DMD: variants seen among roughly 807,000 people sequenced by gnomAD.
DMD encodes the protein dystrophin.
DMD carries 63 observed loss-of-function variants against 330.1 expected under a neutral mutation model. The ratio of observed to expected loss-of-function variants is 0.19; its 90% confidence interval spans 0.16 to 0.24. DMD has a LOEUF of 0.24. Among genes scored for constraint, DMD ranks in the 10% least tolerant of loss-of-function variants. DMD has a pLI of 1.00. For missense variants in DMD, 3,344 were observed against 2,684.1 expected, an observed-to-expected ratio of 1.25 and a Z score of -5.43; for synonymous variants, 1,223 against 959.8, an observed-to-expected ratio of 1.27 and a Z score of -5.07.
chrX:31,136,851 C>G (rs774277099), intron 76 of DMD, among the ~76,000 whole-genome samples: 307 of 111,937 alleles, frequency 2.7e-3, no homozygotes, highest in African/African-American at 9.4e-3. Context: ...GGCTTCTTTG[C>G]TTTAATGGAA....
intron 41 of DMD, among the ~76,000 whole-genome samples, chrX:32,333,801 G>A (rs1245310680): frequency 9.0e-6 from 1 of 110,940 alleles, no homozygotes; most frequent in Non-Finnish European, 1.9e-5. Flanking sequence ...GTTGTTGAAG[G>A]TCACATATTT....
intron 1 of DMD, among the ~76,000 whole-genome samples, chrX:33,260,090 T>C (rs929979255): frequency 8.1e-5 from 9 of 110,897 alleles, no homozygotes; most frequent in Non-Finnish European, 1.7e-4. Flanking sequence ...AGGAGTACAA[T>C]TGCTAGATCA....
At chrX:32,218,496 G>A (rs1384802121) in intron 43 of DMD, among the ~76,000 whole-genome samples, 2 of 111,655 alleles carry the variant, frequency 1.8e-5, no homozygotes, top group Non-Finnish European at 3.8e-5. Flanking sequence ...AGAAGCAATG[G>A]ATCATACTTT....
chrX:31,896,081 A>T (rs2094327343), intron 47 of DMD, among the ~76,000 whole-genome samples: 1 of 112,024 alleles, frequency 8.9e-6, no homozygotes, highest in Non-Finnish European at 1.9e-5. Context: ...CCTTAGCATC[A>T]GGGTTTAGTA....
intron 41 of DMD, among the ~76,000 whole-genome samples, chrX:32,311,372 G>A (rs1200919319): frequency 9.0e-6 from 1 of 110,939 alleles, no homozygotes; most frequent in Admixed American, 9.6e-5. Context: ...GGGGATACTA[G>A]ACTGAACCCC....
chrX:32,605,651 A>T (rs1038596448), intron 12 of DMD, among the ~76,000 whole-genome samples: 8 of 111,165 alleles, frequency 7.2e-5, no homozygotes, highest in Admixed American at 1.9e-4. Flanking sequence ...CGAACTATAC[A>T]TCTAACAAAA....
chrX:33,050,290 A>C (rs1404993078), intron 1 of DMD, among the ~76,000 whole-genome samples: 1 of 111,947 alleles, frequency 8.9e-6, no homozygotes, highest in African/African-American at 3.2e-5. Context: ...CTTTGATAGA[A>C]TATTCAGACA....
At chrX:32,137,051 G>C (rs1196247560) in intron 44 of DMD, among the ~76,000 whole-genome samples, 1 of 112,221 alleles carries the variant, frequency 8.9e-6, no homozygotes, top group Non-Finnish European at 1.9e-5. Flanking sequence ...ATTATGTACA[G>C]CGTGCATTAT....
At chrX:33,221,478 C>T (rs1385062119) in intron 1 of DMD, among the ~76,000 whole-genome samples, 1 of 111,091 alleles carries the variant, frequency 9.0e-6, no homozygotes, top group Admixed American at 9.6e-5. Flanking sequence ...GATGAAAAGT[C>T]TCAGATCAAT....
chrX:33,327,604 A>G (rs1478543880), intron 1 of DMD, among the ~76,000 whole-genome samples: 1 of 111,205 alleles, frequency 9.0e-6, no homozygotes, highest in African/African-American at 3.3e-5. Flanking sequence ...ACCGTTTTGG[A>G]AAAAAAAGAT....
At chrX:32,804,201 G>A (rs2076792542) in intron 7 of DMD, among the ~76,000 whole-genome samples, 1 of 111,788 alleles carries the variant, frequency 8.9e-6, no homozygotes, top group Admixed American at 9.4e-5. Flanking sequence ...AACGCCCACG[G>A]AGCCCAGCAA....
At position 33,030,534 on chromosome X, in the gene DMD, T is replaced by C. The variant is rs772377724; in HGVS notation, c.32-10334A>G. ...CTTGTTAGGAGTAAAAATAAGTTAC[T>C]ATTAATTAGTATGCAGACTTGAAAT... On this transcript the variant is annotated intron_variant, in intron 1 of 78. Transcript: ENST00000357033. 4.5e-5 allele frequency among the ~76,000 whole-genome samples: 5 copies of C among 111,883 alleles called. No individual in the cohort carries two copies. The East Asian group carries it at 1.4e-3, about 31-fold the overall frequency.
chrX:31,866,346 A>G (rs2093798964), intron 48 of DMD, among the ~76,000 whole-genome samples: 1 of 111,560 alleles, frequency 9.0e-6, no homozygotes, highest in Admixed American at 9.6e-5. Flanking sequence ...CTGAGGTTGA[A>G]AAAGCTAATT....
intron 48 of DMD, among the ~76,000 whole-genome samples, chrX:31,847,207 A>G (rs945264454): frequency 5.4e-5 from 6 of 111,367 alleles, no homozygotes; most frequent in African/African-American, 1.6e-4. Flanking sequence ...TCATCCTTCA[A>G]TGACATAGTA....
intron 52 of DMD, among the ~76,000 whole-genome samples, chrX:31,722,397 G>T (rs1366757307): frequency 9.0e-6 from 1 of 111,049 alleles, no homozygotes; most frequent in East Asian, 2.9e-4. Flanking sequence ...TGGAATTACA[G>T]GAGTGAGCCA....
chrX:31,419,299 C>A (rs1348116723), intron 60 of DMD, among the ~76,000 whole-genome samples: 1 of 105,099 alleles, frequency 9.5e-6, no homozygotes, highest in African/African-American at 3.5e-5. Context: ...CCTCTACTAT[C>A]CCTGGAATTA....
intron 12 of DMD, among the ~76,000 whole-genome samples, chrX:32,600,652 C>T (rs900155994): frequency 3.7e-5 from 4 of 107,851 alleles, no homozygotes; most frequent in Non-Finnish European, 7.7e-5. Flanking sequence ...CAACACAGAA[C>T]GCTGTTCATC....
intron 23 of DMD, among the ~76,000 whole-genome samples, chrX:32,465,624 C>T (rs1336681431): frequency 1.2e-5 from 1 of 80,756 alleles, no homozygotes; most frequent in African/African-American, 5.0e-5. Flanking sequence ...CTTGCTCTGT[C>T]GCCCAGGCTG....
In DMD at chrX:31,502,238, C is replaced by CA. The variant is rs1164487268; in HGVS notation, c.8390+5042dup. Reference sequence around the variant, plus strand: ...ATAATTTGAATTTGTACTTCAGAAACAAAAAAAATTAAAGAACCACAGAAT... The same window carrying CA: ...ATAATTTGAATTTGTACTTCAGAAACAAAAAAAAATTAAAGAACCACAGAAT... On this transcript the variant is annotated intron_variant, in intron 56 of 78. Coordinates refer to ENST00000357033, the MANE Select transcript of DMD (RefSeq NM_004006.3). Among the ~76,000 whole-genome samples, 5 of 110,339 alleles carry CA rather than the reference C, an allele frequency of 4.5e-5. No homozygotes were observed. In the East Asian group the frequency reaches 1.4e-3, roughly 31 times the overall value.
Sources: allele counts gnomAD v4.1 joint callset (sites outside exome capture counted in the v4.1 genomes callset), GRCh38; gene constraint gnomAD v4.1.1; transcripts MANE v1.5; gene names NCBI Gene and HGNC (gene_info 2026-07-23, HGNC 2026-07-21).